The following JADE2 variants were observed in gnomAD, a reference collection of about 807,000 sequenced individuals.
JADE2 encodes the protein jade family PHD finger 2.
JADE2 carries 13 observed loss-of-function variants against 85.7 expected under a neutral mutation model. That is an observed-to-expected ratio of 0.15 (90% CI 0.10 to 0.24). The LOEUF (loss-of-function observed/expected upper bound fraction) is 0.24, where lower values mean the gene tolerates loss of function less well. JADE2 is among the 10% of genes least tolerant of loss of function. JADE2 has a pLI of 1.00. For synonymous variants in JADE2, 440 were observed against 456.1 expected, an observed-to-expected ratio of 0.96 and a Z score of 0.45; for missense variants, 846 against 1,115.9, an observed-to-expected ratio of 0.76 and a Z score of 3.45.
chr5:134,576,725 C>G (rs1350829368), intron 10 of JADE2, 43 bp from the exon 11 acceptor site: 2 of 1,549,692 alleles, frequency 1.3e-6, no homozygotes, highest in Middle Eastern at 1.7e-4. Context: ...CGAGGCCACT[C>G]AGGGTAACCA....
At chr5:134,540,223 T>A (rs115091269) in intron 3 of JADE2, among the ~76,000 whole-genome samples, 2,002 of 151,756 alleles carry the variant, frequency 0.013, 55 homozygotes, top group African/African-American at 0.046. Context: ...CTTTTTTTTT[T>A]CCTTTTTACT....
At chr5:134,577,770 T>C (rs1384319168) in intron 11 of JADE2, among the ~76,000 whole-genome samples, 1 of 152,188 alleles carries the variant, frequency 6.6e-6, no homozygotes, top group African/African-American at 2.4e-5. Context: ...TCTCGCCAGC[T>C]GCCCCCTCCC....
chr5:134,565,787 C>T (rs1246432073), intron 8 of JADE2, among the ~76,000 whole-genome samples: 1 of 150,182 alleles, frequency 6.7e-6, no homozygotes, highest in Non-Finnish European at 1.5e-5. Flanking sequence ...GAGATGGAAC[C>T]ACTGCACTCC....
intron 3 of JADE2, among the ~76,000 whole-genome samples, chr5:134,547,504 TTC>T (rs2149917631): frequency 1.3e-5 from 2 of 152,390 alleles, no homozygotes; most frequent in East Asian, 3.9e-4. Context: ...ACAGCAAGGC[TTC>T]TCGTTCATCA....
At chr5:134,559,714 G>A (rs1382591156) in intron 4 of JADE2, 116 bp from the exon 5 acceptor site, 58 of 979,754 alleles carry the variant, frequency 5.9e-5, no homozygotes, top group Non-Finnish European at 8.2e-5. Context: ...GGCCCTGTGT[G>A]GTGTCAAAGC....
At chr5:134,533,130 G>A (rs1761355680) in intron 1 of JADE2, among the ~76,000 whole-genome samples, 2 of 152,094 alleles carry the variant, frequency 1.3e-5, no homozygotes, top group Non-Finnish European at 2.9e-5. Flanking sequence ...GAGTCCTTTC[G>A]AGGGCACCTT....
chr5:134,545,256 C>CT (rs1762224636), intron 3 of JADE2, among the ~76,000 whole-genome samples: 1 of 152,206 alleles, frequency 6.6e-6, no homozygotes. Context: ...GCAGGATCCA[C>CT]TTCTATAGTT....
At chr5:134,571,841 A>G (rs1340861166) in intron 9 of JADE2, among the ~76,000 whole-genome samples, 1 of 152,124 alleles carries the variant, frequency 6.6e-6, no homozygotes, top group Non-Finnish European at 1.5e-5. Flanking sequence ...TGCCTCCCCC[A>G]GCCTGGCCTG....
chr5:134,539,859 C>T (rs1761864691), intron 3 of JADE2, among the ~76,000 whole-genome samples: 1 of 152,330 alleles, frequency 6.6e-6, no homozygotes, highest in East Asian at 1.9e-4. Flanking sequence ...AAAAGGACTC[C>T]GCCTTGCCTC....
chr5:134,576,659 T>C, intron 10 of JADE2, 109 bp from the exon 11 acceptor site: 1 of 1,323,290 alleles, frequency 7.6e-7, no homozygotes, highest in Middle Eastern at 1.9e-4. Flanking sequence ...CTGTGGAGGG[T>C]GAGCACTGGC....
At chr5:134,551,102 C>T (rs971383858) in intron 3 of JADE2, among the ~76,000 whole-genome samples, 1 of 152,118 alleles carries the variant, frequency 6.6e-6, no homozygotes, top group Non-Finnish European at 1.5e-5. Flanking sequence ...CTGGGGTTGG[C>T]GCCCTGTGCT....
At chr5:134,568,737 A>T (rs1581471177) in intron 9 of JADE2, among the ~76,000 whole-genome samples, 1 of 152,010 alleles carries the variant, frequency 6.6e-6, no homozygotes, top group Non-Finnish European at 1.5e-5. Flanking sequence ...AGCCAAGCTG[A>T]CCCCCATCAG....
chr5:134,554,371 A>G (rs1762785874), intron 4 of JADE2, among the ~76,000 whole-genome samples: 1 of 152,092 alleles, frequency 6.6e-6, no homozygotes, highest in African/African-American at 2.4e-5. Context: ...GCCTAGGGTG[A>G]AGGGGTGAAG....
intron 9 of JADE2, among the ~76,000 whole-genome samples, chr5:134,570,398 CG>C (rs1763916382): frequency 6.6e-6 from 1 of 152,200 alleles, no homozygotes; most frequent in East Asian, 1.9e-4. Context: ...ATCCCCTCTG[CG>C]GGTCCTTTTC....
intron 5 of JADE2, among the ~76,000 whole-genome samples, chr5:134,560,427 C>T (rs555423837): frequency 6.6e-6 from 1 of 152,290 alleles, no homozygotes; most frequent in South Asian, 2.1e-4. Flanking sequence ...ATACACACAG[C>T]ACAAGCAGTG....
intron 8 of JADE2, among the ~76,000 whole-genome samples, chr5:134,565,011 C>T (rs1763549913): frequency 6.6e-6 from 1 of 152,226 alleles, no homozygotes; most frequent in South Asian, 2.1e-4. Context: ...CTGTACCAGT[C>T]TGTCTTTAGC....
chr5:134,524,610 G>A (rs1581374039), upstream of JADE2, among the ~76,000 whole-genome samples: 1 of 152,196 alleles, frequency 6.6e-6, no homozygotes, highest in East Asian at 1.9e-4. Context: ...AATCCTGCTG[G>A]GGCCAGGATG....
intron 10 of JADE2, among the ~76,000 whole-genome samples, chr5:134,575,943 G>A (rs541836940): frequency 6.6e-6 from 1 of 151,946 alleles, no homozygotes; most frequent in East Asian, 1.9e-4. Context: ...GCTCGCACCT[G>A]TAATCCCAGC....
intron 1 of JADE2, chr5:134,526,545 G>C (rs1362055175): frequency 2.0e-6 from 2 of 985,264 alleles, no homozygotes; most frequent in Admixed American, 1.2e-4. Context: ...GCCGAACCGG[G>C]CTGAGCCGGT....
Sources: allele counts gnomAD v4.1 joint callset (sites outside exome capture counted in the v4.1 genomes callset), GRCh38; gene constraint gnomAD v4.1.1; transcripts MANE v1.5; gene names NCBI Gene and HGNC (gene_info 2026-07-23, HGNC 2026-07-21).